Variants in GAREM1 observed in about 807,000 individuals in gnomAD.
The protein encoded by GAREM1 is GRB2-associated and regulator of MAPK protein 1.
GAREM1 carries 26 observed loss-of-function variants against 71.3 expected under a neutral mutation model. The observed-to-expected ratio is 0.36, with a 90% CI of 0.27 to 0.51. The LOEUF is 0.51. Among genes scored for constraint, GAREM1 ranks in the 20% least tolerant of loss-of-function variants. GAREM1 has a pLI of 0.95. For synonymous variants in GAREM1, 440 were observed against 433.2 expected, an observed-to-expected ratio of 1.02 and a Z score of -0.20; for missense variants, 1,026 against 1,103.1, an observed-to-expected ratio of 0.93 and a Z score of 0.99.
chr18:32,324,561 A>C (rs1489663057), intron 2 of GAREM1, among the ~76,000 whole-genome samples: 1 of 152,244 alleles, frequency 6.6e-6, no homozygotes, highest in Admixed American at 6.5e-5. Flanking sequence ...TGGTTTCTTA[A>C]AAGTGGAGTA....
intron 2 of GAREM1, among the ~76,000 whole-genome samples, chr18:32,380,371 G>A (rs2048083155): frequency 6.6e-6 from 1 of 151,446 alleles, no homozygotes; most frequent in Non-Finnish European, 1.5e-5. Context: ...AGCTACTTGG[G>A]AGGCTGAGGT....
At chr18:32,448,520 G>C (rs925015898) in intron 1 of GAREM1, among the ~76,000 whole-genome samples, 2 of 152,150 alleles carry the variant, frequency 1.3e-5, no homozygotes, top group African/African-American at 4.8e-5. Context: ...TCAGTTACAG[G>C]AAAGGGTTTG....
intron 1 of GAREM1, among the ~76,000 whole-genome samples, chr18:32,444,333 CATGGG>C (rs2048767545): frequency 6.6e-6 from 1 of 152,146 alleles, no homozygotes; most frequent in Non-Finnish European, 1.5e-5. Context: ...ATGCAAATAG[CATGGG>C]CTCAGAGTTA....
intron 3 of GAREM1, among the ~76,000 whole-genome samples, chr18:32,303,002 C>T (rs1258733517): frequency 6.6e-6 from 1 of 152,188 alleles, no homozygotes; most frequent in Non-Finnish European, 1.5e-5. Flanking sequence ...GGGCAGACCA[C>T]GCACGCAGTA....
chr18:32,378,057 T>TGTGTGTGTGTGTGTGTGTGCGCGCGC (rs1293817110), intron 2 of GAREM1, among the ~76,000 whole-genome samples: 3 of 127,524 alleles, frequency 2.4e-5, no homozygotes, highest in African/African-American at 9.1e-5. Flanking sequence ...TGTGTGTGTG[T>TGTGTGTGTGTGTGTGTGTGCGCGCGC]GCGCGCGGGC....
intron 3 of GAREM1, among the ~76,000 whole-genome samples, chr18:32,301,421 A>G (rs567755709): frequency 3.9e-5 from 6 of 152,228 alleles, no homozygotes; most frequent in African/African-American, 1.2e-4. Context: ...GAAAGAGCCA[A>G]TCCTCTAAGA....
chr18:32,355,439 T>C (rs1567976679), intron 2 of GAREM1, among the ~76,000 whole-genome samples: 1 of 152,174 alleles, frequency 6.6e-6, no homozygotes, highest in African/African-American at 2.4e-5. Flanking sequence ...CTATTTATGA[T>C]ATTCATAAAT....
intron 3 of GAREM1, among the ~76,000 whole-genome samples, chr18:32,299,543 A>T (rs1386152219): frequency 1.3e-5 from 2 of 149,128 alleles, no homozygotes; most frequent in African/African-American, 4.9e-5. Context: ...AAAAGTGGCT[A>T]TATCTAAATA....
At chr18:32,381,599 A>C (rs1340553462) in intron 2 of GAREM1, among the ~76,000 whole-genome samples, 5 of 152,042 alleles carry the variant, frequency 3.3e-5, no homozygotes, top group African/African-American at 1.2e-4. Flanking sequence ...TATCTTAAAA[A>C]CTTCCTAACT....
At chr18:32,453,763 G>C (rs910565855) in intron 1 of GAREM1, among the ~76,000 whole-genome samples, 3 of 152,126 alleles carry the variant, frequency 2.0e-5, no homozygotes, top group Non-Finnish European at 2.9e-5. Context: ...CAAATCTGCT[G>C]GCAGGACCCC....
chr18:32,372,549 G>A (rs962115304), intron 2 of GAREM1, among the ~76,000 whole-genome samples: 1 of 152,124 alleles, frequency 6.6e-6, no homozygotes, highest in Non-Finnish European at 1.5e-5. Context: ...TTTAGCAAGG[G>A]GGTACTGACA....
chr18:32,433,499 T>C (rs1225098516), intron 1 of GAREM1, among the ~76,000 whole-genome samples: 1 of 150,538 alleles, frequency 6.6e-6, no homozygotes, highest in East Asian at 1.9e-4. Flanking sequence ...AGAAAGGAAA[T>C]CTATATGTTA....
chr18:32,285,955 G>C (rs1267412310), intron 4 of GAREM1, among the ~76,000 whole-genome samples: 2 of 152,208 alleles, frequency 1.3e-5, no homozygotes, highest in African/African-American at 4.8e-5. Context: ...CCCACAATCT[G>C]TGCTTTGGTC....
At chr18:32,359,841 G>T (rs558599666) in intron 2 of GAREM1, among the ~76,000 whole-genome samples, 1 of 152,084 alleles carries the variant, frequency 6.6e-6, no homozygotes, top group African/African-American at 2.4e-5. Flanking sequence ...ACAGAGGATG[G>T]CTGGAGCCCA....
At chr18:32,353,492 T>G (rs1167535067) in intron 2 of GAREM1, among the ~76,000 whole-genome samples, 1 of 152,216 alleles carries the variant, frequency 6.6e-6, no homozygotes, top group East Asian at 1.9e-4. Flanking sequence ...GTCACACTTT[T>G]ATAAGTCCTC....
rs73956854 is a variant in GAREM1, at chr18:32,276,263, G to A, written c.1567-5880C>T. Among the ~76,000 whole-genome samples the A allele has an allele frequency of 5.0e-3, 757 of 152,306 alleles. 3 individuals are homozygous for A. The highest frequency in any genetic ancestry group is 0.014 in the Middle Eastern group (4 of 294). On this transcript the variant is annotated intron_variant, in intron 4 of 5. Coordinates refer to ENST00000269209, the MANE Select transcript of GAREM1 (RefSeq NM_001242409.2). ...AGCTGTAAAAGGTGTCTGTCCTGGG[G>A]GCTGATGGCCGGGATCACAAGCATC...
intron 2 of GAREM1, among the ~76,000 whole-genome samples, chr18:32,377,078 G>A (rs1255589157): frequency 2.0e-5 from 3 of 152,084 alleles, no homozygotes; most frequent in Non-Finnish European, 4.4e-5. Flanking sequence ...AAAACGTTAG[G>A]CAACATATAT....
intron 4 of GAREM1, among the ~76,000 whole-genome samples, chr18:32,281,910 AC>A (rs1350838788): frequency 6.6e-6 from 1 of 152,166 alleles, no homozygotes; most frequent in Non-Finnish European, 1.5e-5. Flanking sequence ...ATGACATTCC[AC>A]CACAAAAGAA....
chr18:32,355,360 A>G (rs116119063), intron 2 of GAREM1, among the ~76,000 whole-genome samples: 1,943 of 152,276 alleles, frequency 0.013, 53 homozygotes, highest in African/African-American at 0.045. Flanking sequence ...ATAAAATTTT[A>G]TTTTGTGAAA....
Sources: gnomAD v4.1 joint callset for allele counts (sites outside exome capture counted in the v4.1 genomes callset) on GRCh38, gnomAD v4.1.1 for gene constraint, MANE v1.5 for transcripts, NCBI Gene and HGNC (gene_info 2026-07-23, HGNC 2026-07-21) for gene names.